The following TMCC1 variants were observed in gnomAD, a reference collection of about 807,000 sequenced individuals.
TMCC1 encodes transmembrane and coiled-coil domain family 1, also known as transmembrane and coiled-coil domains protein 1.
Under a neutral mutation model 52.4 loss-of-function variants are expected in TMCC1, and 15 were observed. The observed-to-expected ratio is 0.29, with a 90% CI of 0.19 to 0.44. The LOEUF is 0.44. TMCC1 is among the 20% of genes least tolerant of loss of function. TMCC1 has a pLI of 1.00. For synonymous variants in TMCC1, 279 were observed against 301.9 expected (o/e 0.92, Z 0.79); for missense variants, 503 against 806.0 (o/e 0.62, Z 4.55).
intron 2 of TMCC1, among the ~76,000 whole-genome samples, chr3:129,843,204 G>A (rs547742015): frequency 4.6e-5 from 7 of 152,094 alleles, no homozygotes; most frequent in South Asian, 4.2e-4. Flanking sequence ...AAAATTAGCC[G>A]GGCGTGGTGG....
At chr3:129,870,720 G>A (rs1246674296) in intron 2 of TMCC1, among the ~76,000 whole-genome samples, 2 of 12,488 alleles carry the variant, frequency 1.6e-4, no homozygotes, top group African/African-American at 1.5e-3. Context: ...CGGGTTGGCG[G>A]GGGGGGGGGG....
chr3:129,793,161 C>T (rs2056588709), intron 4 of TMCC1, among the ~76,000 whole-genome samples: 1 of 151,508 alleles, frequency 6.6e-6, no homozygotes, highest in African/African-American at 2.4e-5. Flanking sequence ...ATGTGGAGGC[C>T]TTCAAACACA....
At chr3:129,775,089 C>A (rs991679250) in intron 4 of TMCC1, among the ~76,000 whole-genome samples, 1 of 152,100 alleles carries the variant, frequency 6.6e-6, no homozygotes. Flanking sequence ...ATACCTGCTA[C>A]TCGAGAATAT....
chr3:129,656,201 T>C (rs142093166), intron 5 of TMCC1, among the ~76,000 whole-genome samples: 7 of 152,238 alleles, frequency 4.6e-5, no homozygotes, highest in Admixed American at 2.6e-4. Flanking sequence ...GCTAAGTAGA[T>C]AGGAGAAAGG....
At chr3:129,771,952 G>C (rs764155205) in intron 4 of TMCC1, among the ~76,000 whole-genome samples, 3 of 152,090 alleles carry the variant, frequency 2.0e-5, no homozygotes, top group African/African-American at 4.8e-5. Context: ...ATGGAAACAG[G>C]CAAGAAAGTA....
chr3:129,778,899 C>G (rs747650887), intron 4 of TMCC1, among the ~76,000 whole-genome samples: 2 of 152,172 alleles, frequency 1.3e-5, no homozygotes, highest in African/African-American at 2.4e-5. Context: ...TATAAATTAT[C>G]CAGTCTCGGG....
chr3:129,883,431 G>A (rs574010177), intron 1 of TMCC1, among the ~76,000 whole-genome samples: 2 of 152,248 alleles, frequency 1.3e-5, no homozygotes, highest in South Asian at 4.1e-4. Context: ...CGGGCAACAT[G>A]GTGAGGCCCC....
At chr3:129,875,490 CAAAAAAA>C (rs370431347) in intron 2 of TMCC1, among the ~76,000 whole-genome samples, 1 of 17,328 alleles carries the variant, frequency 5.8e-5, no homozygotes, top group East Asian at 1.3e-3. Context: ...GACTCCATCT[CAAAAAAA>C]AAAAAAAAAA....
chr3:129,708,598 CT>C (rs2048419096), intron 4 of TMCC1, among the ~76,000 whole-genome samples: 1 of 152,158 alleles, frequency 6.6e-6, no homozygotes, highest in Non-Finnish European at 1.5e-5. Flanking sequence ...TTTAATTATT[CT>C]TTTCAGCTGT....
At chr3:129,803,195 G>GA (rs2057290131) in intron 4 of TMCC1, among the ~76,000 whole-genome samples, 1 of 152,156 alleles carries the variant, frequency 6.6e-6, no homozygotes, top group South Asian at 2.1e-4. Flanking sequence ...AAAAAGAAAG[G>GA]AAATTCTATT....
intron 4 of TMCC1, among the ~76,000 whole-genome samples, chr3:129,788,429 C>T (rs370936845): frequency 2.0e-5 from 3 of 152,094 alleles, no homozygotes; most frequent in African/African-American, 7.2e-5. Context: ...ACTACATCAA[C>T]AATACATGAC....
At chr3:129,720,773 C>T (rs2049514103) in intron 4 of TMCC1, among the ~76,000 whole-genome samples, 1 of 152,204 alleles carries the variant, frequency 6.6e-6, no homozygotes, top group South Asian at 2.1e-4. Context: ...TAGCTCACTG[C>T]AGTCCCAAAC....
At chr3:129,770,629 A>C (rs2054494175) in intron 4 of TMCC1, among the ~76,000 whole-genome samples, 1 of 149,864 alleles carries the variant, frequency 6.7e-6, no homozygotes, top group Non-Finnish European at 1.5e-5. Flanking sequence ...AATGAAATGA[A>C]ATGAAATAAA....
At chr3:129,869,008 A>G (rs1330559496) in intron 2 of TMCC1, 2 of 151,962 alleles carry the variant, frequency 1.3e-5, no homozygotes, top group Non-Finnish European at 2.9e-5. Flanking sequence ...CCTCAATAAC[A>G]GAAGCGCTTT....
At chr3:129,854,138 TC>T (rs1432189704) in intron 2 of TMCC1, among the ~76,000 whole-genome samples, 1 of 152,090 alleles carries the variant, frequency 6.6e-6, no homozygotes, top group Non-Finnish European at 1.5e-5. Context: ...GTGGCTCACA[TC>T]CCAGCACTTT....
intron 4 of TMCC1, among the ~76,000 whole-genome samples, chr3:129,720,108 G>A (rs1221243357): frequency 6.6e-6 from 1 of 151,060 alleles, no homozygotes; most frequent in Non-Finnish European, 1.5e-5. Flanking sequence ...CTTGAGCCCA[G>A]GAGATCCAGG....
At chr3:129,741,608 T>C (rs539698069) in intron 4 of TMCC1, among the ~76,000 whole-genome samples, 5 of 152,320 alleles carry the variant, frequency 3.3e-5, no homozygotes, top group Non-Finnish European at 5.9e-5. Context: ...CTATATTTAT[T>C]TGAAGGAAAT....
chr3:129,699,549 G>A (rs968979999), intron 4 of TMCC1, among the ~76,000 whole-genome samples: 3 of 152,136 alleles, frequency 2.0e-5, no homozygotes, highest in Non-Finnish European at 4.4e-5. Context: ...TCAAGCCACT[G>A]CTGTCTATGG....
intron 4 of TMCC1, among the ~76,000 whole-genome samples, chr3:129,825,091 AT>A (rs1311436581): frequency 5.9e-5 from 9 of 152,118 alleles, no homozygotes; most frequent in African/African-American, 2.2e-4. Flanking sequence ...TCAGGCATCC[AT>A]CCCCTCACTT....
Sources: gnomAD v4.1 joint callset for allele counts (sites outside exome capture counted in the v4.1 genomes callset) on GRCh38, gnomAD v4.1.1 for gene constraint, MANE v1.5 for transcripts, NCBI Gene and HGNC (gene_info 2026-07-23, HGNC 2026-07-21) for gene names.